The following KCTD8 variants were observed in gnomAD, a reference collection of about 807,000 sequenced individuals.
KCTD8 encodes potassium channel tetramerization domain containing 8, also known as BTB/POZ domain-containing protein KCTD8.
KCTD8 carries 27 observed loss-of-function variants against 31.5 expected under a neutral mutation model. The ratio of observed to expected loss-of-function variants is 0.86; its 90% confidence interval spans 0.63 to 1.18. The LOEUF (loss-of-function observed/expected upper bound fraction) is 1.18, where lower values mean the gene tolerates loss of function less well. Ranked by LOEUF, KCTD8 falls within the 50% of genes most tolerant of loss-of-function variation. The pLI, the probability that KCTD8 is intolerant of heterozygous loss-of-function variation, is 0.00. For synonymous variants in KCTD8, 290 were observed against 280.0 expected, an observed-to-expected ratio of 1.04 and a Z score of -0.36; for missense variants, 658 against 647.7, an observed-to-expected ratio of 1.02 and a Z score of -0.17.
chr4:44,229,948 G>A (rs544392615), intron 1 of KCTD8, among the ~76,000 whole-genome samples: 10 of 151,780 alleles, frequency 6.6e-5, no homozygotes, highest in African/African-American at 2.2e-4. Flanking sequence ...ATCTACATTA[G>A]GTATTTCTCC....
chr4:44,265,764 G>A (rs971784329), intron 1 of KCTD8, among the ~76,000 whole-genome samples: 19 of 152,146 alleles, frequency 1.2e-4, no homozygotes, highest in Non-Finnish European at 1.9e-4. Context: ...CTCAGGAGCC[G>A]ACGCAATCAA....
rs142149251 is a variant in KCTD8, at chr4:44,311,808, C to T, written c.961+135755G>A. ...TTGGATCGAAAAAGCAGATTACTGC[C>T]GTTTTATTCCTCTTGGTTCCTTCAT... On this transcript the variant is annotated intron_variant, in intron 1 of 1. Transcript: ENST00000360029. Among the ~76,000 whole-genome samples the T allele has an allele frequency of 3.5e-4, 53 of 151,030 alleles. No individual in the cohort carries two copies. The East Asian group carries it at 9.5e-3, about 27-fold the overall frequency.
intron 1 of KCTD8, among the ~76,000 whole-genome samples, chr4:44,444,237 C>T (rs922152688): frequency 6.6e-6 from 1 of 152,166 alleles, no homozygotes; most frequent in Non-Finnish European, 1.5e-5. Context: ...AGTTTCAAGT[C>T]CTAGTGCTAA....
chr4:44,292,161 T>G (rs7690725), intron 1 of KCTD8, among the ~76,000 whole-genome samples: 145,124 of 152,106 alleles, frequency 0.95, 69,306 homozygotes, highest in East Asian at 1. Context: ...CTACCCAAAA[T>G]ACACGTGTAC....
chr4:44,299,459 G>A (rs934489421), intron 1 of KCTD8, among the ~76,000 whole-genome samples: 2 of 152,124 alleles, frequency 1.3e-5, no homozygotes, highest in African/African-American at 4.8e-5. Flanking sequence ...TGCCGGGCGC[G>A]GTGGCTCACG....
intron 1 of KCTD8, among the ~76,000 whole-genome samples, chr4:44,235,930 T>G (rs1715278208): frequency 6.6e-6 from 1 of 151,926 alleles, no homozygotes; most frequent in Non-Finnish European, 1.5e-5. Flanking sequence ...TAGAGGTTAA[T>G]TAAGGGAATA....
At chr4:44,446,977 C>T (rs1350062242) in intron 1 of KCTD8, among the ~76,000 whole-genome samples, 1 of 152,134 alleles carries the variant, frequency 6.6e-6, no homozygotes, top group Non-Finnish European at 1.5e-5. Context: ...CTCTCATGCC[C>T]CCGCCCCCTC....
intron 1 of KCTD8, among the ~76,000 whole-genome samples, chr4:44,346,420 T>C (rs970717567): frequency 1.4e-4 from 21 of 152,182 alleles, no homozygotes; most frequent in African/African-American, 4.8e-4. Context: ...ATTGTGGTGA[T>C]ATTCAAAGCG....
intron 1 of KCTD8, among the ~76,000 whole-genome samples, chr4:44,194,648 G>C (rs1324844989): frequency 6.6e-6 from 1 of 152,130 alleles, no homozygotes; most frequent in African/African-American, 2.4e-5. Flanking sequence ...ATGTGGTTCA[G>C]TGAAAGTAAT....
intron 1 of KCTD8, among the ~76,000 whole-genome samples, chr4:44,290,738 A>G (rs1717246709): frequency 6.6e-6 from 1 of 152,124 alleles, no homozygotes; most frequent in African/African-American, 2.4e-5. Flanking sequence ...ATTAAAGCCG[A>G]GATTAAAAAA....
chr4:44,359,076 G>A (rs1423404932), intron 1 of KCTD8, among the ~76,000 whole-genome samples: 1 of 152,044 alleles, frequency 6.6e-6, no homozygotes, highest in Non-Finnish European at 1.5e-5. Context: ...TTTGTCAGAT[G>A]GATAGATGGC....
intron 1 of KCTD8, among the ~76,000 whole-genome samples, chr4:44,283,025 T>TTTATTATTATTA (rs58754915): frequency 6.6e-5 from 9 of 136,316 alleles, no homozygotes; most frequent in East Asian, 2.3e-4. Flanking sequence ...AACAACACAT[T>TTTATTATTATTA]TTATTATTAT....
intron 1 of KCTD8, among the ~76,000 whole-genome samples, chr4:44,410,686 G>A (rs1720932017): frequency 6.6e-6 from 1 of 151,972 alleles, no homozygotes; most frequent in Non-Finnish European, 1.5e-5. Context: ...TGTGGATGAT[G>A]GCAGGCAAAA....
intron 1 of KCTD8, among the ~76,000 whole-genome samples, chr4:44,446,500 C>A (rs369232613): frequency 6.6e-6 from 1 of 152,154 alleles, no homozygotes; most frequent in African/African-American, 2.4e-5. Flanking sequence ...TTCATAAACG[C>A]CACTGAGAAT....
chr4:44,411,338 A>G (rs1167464134), intron 1 of KCTD8, among the ~76,000 whole-genome samples: 1 of 146,592 alleles, frequency 6.8e-6, no homozygotes, highest in African/African-American at 2.6e-5. Context: ...TGAATGTGCC[A>G]CTGCACTCCA....
chr4:44,324,073 C>CAAAACA (rs1560426445), intron 1 of KCTD8, among the ~76,000 whole-genome samples: 2 of 136,010 alleles, frequency 1.5e-5, no homozygotes, highest in East Asian at 2.1e-4. Flanking sequence ...CAAAACAAAA[C>CAAAACA]AAAAAAAAAA....
At chr4:44,316,725 C>A (rs1316206348) in intron 1 of KCTD8, among the ~76,000 whole-genome samples, 2 of 137,936 alleles carry the variant, frequency 1.4e-5, no homozygotes, top group Non-Finnish European at 3.1e-5. Context: ...CCGAGGCGGG[C>A]CAATCACAAG....
At chr4:44,304,735 C>G (rs1717749089) in intron 1 of KCTD8, among the ~76,000 whole-genome samples, 1 of 152,098 alleles carries the variant, frequency 6.6e-6, no homozygotes, top group Non-Finnish European at 1.5e-5. Context: ...TTAGCAAACA[C>G]TCTTTGTTTT....
intron 1 of KCTD8, among the ~76,000 whole-genome samples, chr4:44,325,687 G>C (rs1232780083): frequency 6.6e-6 from 1 of 151,848 alleles, no homozygotes; most frequent in Non-Finnish European, 1.5e-5. Flanking sequence ...TGAGGCATAT[G>C]ATATATACCT....
Sources: gnomAD v4.1 joint callset for allele counts (sites outside exome capture counted in the v4.1 genomes callset) on GRCh38, gnomAD v4.1.1 for gene constraint, MANE v1.5 for transcripts, NCBI Gene and HGNC (gene_info 2026-07-23, HGNC 2026-07-21) for gene names.